Variants in ICOS observed in about 807,000 individuals in gnomAD.
ICOS encodes the protein inducible T cell costimulator.
ICOS carries 15 observed loss-of-function variants against 24.6 expected under a neutral mutation model. The observed-to-expected ratio is 0.61, with a 90% CI of 0.41 to 0.94. The LOEUF is 0.94. ICOS is among the 40% of genes least tolerant of loss of function. The probability of loss-of-function intolerance (pLI) is 0.00; values close to 1 mark genes in which losing one functional copy is unlikely to be tolerated. For missense variants in ICOS, 200 were observed against 233.0 expected (o/e 0.86, Z 0.92); for synonymous variants, 89 against 77.5 (o/e 1.15, Z -0.78).
At chr2:203,941,210 CT>C (rs1310078416) in intron 1 of ICOS, among the ~76,000 whole-genome samples, 2 of 151,848 alleles carry the variant, frequency 1.3e-5, no homozygotes, top group Admixed American at 1.3e-4. Context: ...TTAATCATAC[CT>C]TATGCTGTTT....
At chr2:203,947,086 T>C (rs1487674121) in intron 1 of ICOS, among the ~76,000 whole-genome samples, 1 of 152,130 alleles carries the variant, frequency 6.6e-6, no homozygotes, top group Non-Finnish European at 1.5e-5. Context: ...AGTCCAGATA[T>C]TAAAAGCATC....
At chr2:203,959,186 C>T (rs1327565755) in intron 4 of ICOS, among the ~76,000 whole-genome samples, 1 of 152,134 alleles carries the variant, frequency 6.6e-6, no homozygotes, top group East Asian at 1.9e-4. Flanking sequence ...TGAGCTGTGC[C>T]TCTACTTGGG....
At chr2:203,953,227 C>T (rs949801791) in intron 1 of ICOS, among the ~76,000 whole-genome samples, 2 of 152,042 alleles carry the variant, frequency 1.3e-5, no homozygotes, top group African/African-American at 4.8e-5. Flanking sequence ...GGAGTTGAGA[C>T]ATAAAAACAA....
chr2:203,955,748 AG>A lies in ICOS; in HGVS notation c.177del (p.Gln60LysfsTer21), dbSNP rs753481495. On this transcript the variant is annotated frameshift_variant, in exon 2 of 5. Transcript: ENST00000316386. LOFTEE classifies it high-confidence loss of function. ...VQQFKMQLLK[G>X]GQILCDLTKT... ...AGCAATTTAAAATGCAGTTGCTGAA[AG>A]GGGGGCAAATACTCTGCGATCTCAC... The A allele has an allele frequency of 2.5e-6, 4 of 1,613,816 alleles. No individual in the cohort carries two copies. The highest frequency in any genetic ancestry group is 2.5e-6 in the Non-Finnish European group (3 of 1,179,792).
intron 1 of ICOS, among the ~76,000 whole-genome samples, chr2:203,943,571 A>G (rs540550972): frequency 4.5e-4 from 69 of 152,188 alleles, no homozygotes; most frequent in African/African-American, 1.6e-3. Context: ...GAAGGGTGCA[A>G]TGGACTCCAT....
chr2:203,958,100 T>G (rs1384804210), intron 4 of ICOS, among the ~76,000 whole-genome samples: 1 of 152,216 alleles, frequency 6.6e-6, no homozygotes, highest in Non-Finnish European at 1.5e-5. Flanking sequence ...AAGCCACTAT[T>G]GAAACTAAAC....
intron 1 of ICOS, among the ~76,000 whole-genome samples, chr2:203,939,763 G>A (rs1689730070): frequency 6.6e-6 from 1 of 152,116 alleles, no homozygotes; most frequent in Non-Finnish European, 1.5e-5. Flanking sequence ...CTGTGAAGAT[G>A]ACTGACCTTG....
intron 1 of ICOS, among the ~76,000 whole-genome samples, chr2:203,945,420 G>A (rs189592921): frequency 5.9e-5 from 9 of 152,278 alleles, no homozygotes; most frequent in Admixed American, 5.9e-4. Flanking sequence ...GAAAAGACAG[G>A]GTTTGGATTT....
chr2:203,953,327 A>C (rs1690018219), intron 1 of ICOS, among the ~76,000 whole-genome samples: 1 of 152,124 alleles, frequency 6.6e-6, no homozygotes, highest in African/African-American at 2.4e-5. Context: ...TCTCTCTTCA[A>C]ATTTAGCCTG....
chr2:203,953,004 A>AAAGCTG (rs1444106434), intron 1 of ICOS, among the ~76,000 whole-genome samples: 1 of 152,166 alleles, frequency 6.6e-6, no homozygotes, highest in Non-Finnish European at 1.5e-5. Flanking sequence ...TTTACTTTCA[A>AAAGCTG]AAGCTGAAGG....
intron 1 of ICOS, among the ~76,000 whole-genome samples, chr2:203,938,272 G>A (rs1689698999): frequency 6.6e-6 from 1 of 152,208 alleles, no homozygotes; most frequent in African/African-American, 2.4e-5. Flanking sequence ...AGTGGCACTT[G>A]AGCGGAGATT....
At chr2:203,952,310 C>A (rs960330362) in intron 1 of ICOS, among the ~76,000 whole-genome samples, 7 of 152,292 alleles carry the variant, frequency 4.6e-5, no homozygotes, top group Non-Finnish European at 1.0e-4. Flanking sequence ...TTTCAAATTA[C>A]ATATACCTTC....
At chr2:203,954,356 C>G (rs1368558902) in intron 1 of ICOS, among the ~76,000 whole-genome samples, 1 of 152,108 alleles carries the variant, frequency 6.6e-6, no homozygotes, top group Non-Finnish European at 1.5e-5. Flanking sequence ...GAGGCTGAGG[C>G]AGGAGGATTG....
intron 1 of ICOS, among the ~76,000 whole-genome samples, chr2:203,948,425 CTTATA>C (rs1409218195): frequency 8.5e-5 from 13 of 152,166 alleles, no homozygotes; most frequent in Non-Finnish European, 1.9e-4. Context: ...CCTTTTGGCT[CTTATA>C]TTATAAATCC....
Position 203,957,808 on chromosome 2 carries a change from T to A in ICOS, c.511T>A (p.Ser171Thr), listed in dbSNP as rs755844099. The change falls in exon 4 of 5, where the codon TCC becomes ACC. Residue 171 changes from serine to threonine, a missense_variant. Physicochemically the swap from Ser to Thr is moderately conservative, Grantham distance 58. Transcript: ENST00000316386. ...TGGCTTTTTCTTTCAGAAGTATTCA[T>A]CCAGTGTGCACGACCCTAACGGTGA... is the stretch of plus-strand genomic sequence containing the variant. ...ICWLTKKKYS[S>T]SVHDPNGEYM... is the part of the protein sequence containing the mutation. 6.2e-7 allele frequency: 1 copy of A among 1,612,024 alleles called. No homozygotes were observed. The highest frequency in any genetic ancestry group is 8.5e-7 in the Non-Finnish European group (1 of 1,178,238).
chr2:203,939,731 G>A (rs1689729530), intron 1 of ICOS, among the ~76,000 whole-genome samples: 1 of 152,140 alleles, frequency 6.6e-6, no homozygotes, highest in Non-Finnish European at 1.5e-5. Flanking sequence ...GCCCCTCAGT[G>A]TCTCCAGCGT....
chr2:203,954,874 TA>T (rs1690050676), intron 1 of ICOS, among the ~76,000 whole-genome samples: 1 of 148,814 alleles, frequency 6.7e-6, no homozygotes, highest in South Asian at 2.1e-4. Flanking sequence ...TTTTAATATA[TA>T]ATATGTAATA....
At chr2:203,948,509 C>A (rs373537045) in intron 1 of ICOS, among the ~76,000 whole-genome samples, 4 of 152,316 alleles carry the variant, frequency 2.6e-5, no homozygotes, top group African/African-American at 9.6e-5. Context: ...TCCAACCATG[C>A]TTTCATCCAT....
chr2:203,958,772 A>G (rs1471306620), intron 4 of ICOS, among the ~76,000 whole-genome samples: 2 of 136,772 alleles, frequency 1.5e-5, no homozygotes, highest in Non-Finnish European at 3.1e-5. Context: ...TTCCCTAGAC[A>G]GTTAATACCT....
Sources: allele counts gnomAD v4.1 joint callset (sites outside exome capture counted in the v4.1 genomes callset), GRCh38; gene constraint gnomAD v4.1.1; transcripts MANE v1.5; gene names NCBI Gene and HGNC (gene_info 2026-07-23, HGNC 2026-07-21).